Variants in NAA38 observed in about 807,000 individuals in gnomAD.
NAA38 encodes LSM domain containing 1.
In NAA38, 15 loss-of-function variants were observed where a neutral mutation model predicts 12.6. That is an observed-to-expected ratio of 1.19 (90% CI 0.79 to 1.83). The LOEUF (loss-of-function observed/expected upper bound fraction) is 1.83, where lower values mean the gene tolerates loss of function less well. Among genes scored for constraint, NAA38 ranks in the 40% most tolerant of loss-of-function variants. The pLI is 0.00. For missense variants in NAA38, 183 were observed against 171.7 expected (o/e 1.07, Z -0.37); for synonymous variants, 88 against 69.9 (o/e 1.26, Z -1.29).
At chr17:7,856,935 C>G in intron 2 of NAA38, 80 bp downstream of exon 2, 7 of 1,589,422 alleles carry the variant, frequency 4.4e-6, no homozygotes, top group Non-Finnish European at 6.0e-6. Context: ...ACAAGGGTTG[C>G]AGCCAGGCCC....
chr17:7,863,611 G>A (rs925275676), intron 3 of NAA38: 1 of 152,134 alleles, frequency 6.6e-6, no homozygotes, highest in African/African-American at 2.4e-5. Context: ...CAAGTCACAG[G>A]TGGATTACTA....
At chr17:7,858,228 G>C, upstream of NAA38, 1 of 1,614,014 alleles carries the variant, frequency 6.2e-7, no homozygotes. Context: ...TAACAGGCCC[G>C]AAGACCTCTG....
At chr17:7,884,457 CATATATATAT>C (rs377079849) in intron 1 of NAA38, among the ~76,000 whole-genome samples, 2 of 130,834 alleles carry the variant, frequency 1.5e-5, no homozygotes, top group Non-Finnish European at 3.2e-5. Flanking sequence ...TATATATATA[CATATATATAT>C]ATATATATAT....
chr17:7,858,308 G>A (rs117496084), upstream of NAA38: 15,591 of 1,613,886 alleles, frequency 9.7e-3, 96 homozygotes, highest in Non-Finnish European at 0.011. Context: ...AGGGCCACAC[G>A]TTGGGCCGGG....
intron 2 of NAA38, 49 bp downstream of exon 2, chr17:7,856,966 T>G: frequency 6.3e-7 from 1 of 1,587,462 alleles, no homozygotes; most frequent in Non-Finnish European, 8.6e-7. Flanking sequence ...ATGCCTTGCG[T>G]AAGGTTCCGC....
intron 1 of NAA38, among the ~76,000 whole-genome samples, chr17:7,884,311 G>A (rs189487777): frequency 6.7e-6 from 1 of 148,840 alleles, no homozygotes; most frequent in African/African-American, 2.5e-5. Flanking sequence ...GGTGCTGGAG[G>A]GGGGGTTGTT....
chr17:7,881,418 G>C (rs1967270483), intron 2 of NAA38, among the ~76,000 whole-genome samples: 1 of 151,968 alleles, frequency 6.6e-6, no homozygotes, highest in Admixed American at 6.6e-5. Flanking sequence ...TGAGGAACCA[G>C]AAAGACAGAA....
intron 2 of NAA38, among the ~76,000 whole-genome samples, chr17:7,870,066 T>C (rs1325607023): frequency 1.3e-5 from 2 of 152,152 alleles, no homozygotes; most frequent in Non-Finnish European, 1.5e-5. Context: ...CCATTTTGTA[T>C]AGGATTATTC....
upstream of NAA38, chr17:7,862,315 G>A (rs2078888859): frequency 6.6e-6 from 1 of 152,096 alleles, no homozygotes; most frequent in Admixed American, 6.5e-5. Context: ...ATACCTAGTG[G>A]GGGGGATGTT....
At chr17:7,858,330 T>A, upstream of NAA38, 1 of 1,613,880 alleles carries the variant, frequency 6.2e-7, no homozygotes, top group Middle Eastern at 1.6e-4. Context: ...CCGGAGTGTG[T>A]GTGTGTGCAC....
chr17:7,867,499 C>A (rs868357365), intron 2 of NAA38, among the ~76,000 whole-genome samples: 1 of 151,922 alleles, frequency 6.6e-6, no homozygotes, highest in Non-Finnish European at 1.5e-5. Context: ...CCACCACACC[C>A]GGCTAATTTT....
Position 7,857,181 on chromosome 17 carries a change from G to T in NAA38, c.99C>A (p.Arg33=), listed in dbSNP as rs760587822. 6 of 1,613,086 alleles carry T rather than the reference G, an allele frequency of 3.7e-6. No homozygotes were observed. Among genetic ancestry groups the T allele is most frequent in the Non-Finnish European group, 5.1e-6 (6 of 1,180,006 alleles). Residue 33 remains arginine (R), a synonymous_variant, in exon 2 of 3, where the codon CGC becomes CGA. Coordinates refer to ENST00000575771, the MANE Select transcript of NAA38 (RefSeq NM_001320925.4). The part of the protein sequence containing the change: ...SSSAGDSDGE[R]EDSAAERARQ... ...GGGCGCGCTCAGCCGCCGAGTCCTCGCGCTCTCCGTCCGAATCCTGCGCGG... is the reference window on the plus strand; with the variant it reads ...GGGCGCGCTCAGCCGCCGAGTCCTCTCGCTCTCCGTCCGAATCCTGCGCGG...
chr17:7,857,466 G>A lies in NAA38; in HGVS notation c.-3C>T, dbSNP rs369394186. 3.9e-5 allele frequency: 59 copies of A among 1,528,042 alleles called. No individual in the cohort carries two copies. The highest frequency in any genetic ancestry group is 3.8e-5 in the Non-Finnish European group (43 of 1,137,886). 94.7% of individuals were successfully genotyped at this position (1,528,042 alleles called of 1,614,324 possible). ...ATGGTCGGTCCAGCTCCGGCCATTT[G>A]CCCGGAGGCCTCCTCTGGGCCTTTC... is the stretch of plus-strand genomic sequence containing the variant. On this transcript the variant is annotated 5_prime_UTR_variant, in exon 1 of 3. Transcript: ENST00000575771.
chr17:7,879,282 G>A (rs1967228616), intron 2 of NAA38, among the ~76,000 whole-genome samples: 1 of 152,126 alleles, frequency 6.6e-6, no homozygotes, highest in African/African-American at 2.4e-5. Flanking sequence ...GAAAATCATA[G>A]ATTGCAAGTG....
chr17:7,865,054 C>G (rs1966940206), intron 3 of NAA38: 1 of 152,024 alleles, frequency 6.6e-6, no homozygotes, highest in Admixed American at 6.5e-5. Flanking sequence ...ATACACATAC[C>G]TATATATAAA....
chr17:7,877,454 C>CT (rs1179558605), intron 2 of NAA38, among the ~76,000 whole-genome samples: 1 of 133,486 alleles, frequency 7.5e-6, no homozygotes, highest in Admixed American at 7.7e-5. Flanking sequence ...ACTCATTTTT[C>CT]TTTTTTCTTT....
chr17:7,877,134 C>A, intron 2 of NAA38: 1 of 332,644 alleles, frequency 3.0e-6, no homozygotes, highest in Non-Finnish European at 5.9e-6. Context: ...CAGTTGCTAA[C>A]GTAATCAATG....
chr17:7,858,533 G>A, upstream of NAA38: 1 of 1,613,728 alleles, frequency 6.2e-7, no homozygotes. Context: ...GAGCGGGGAT[G>A]GGAAGGAAAG....
chr17:7,856,799 C>T lies in NAA38; in HGVS notation c.310G>A (p.Val104Ile), dbSNP rs2078819379. The T allele has an allele frequency of 6.2e-7, 1 of 1,613,878 alleles. No individual in the cohort carries two copies. The highest frequency in any genetic ancestry group is 1.3e-5 in the African/African-American group (1 of 74,924). ...ATGGAAACGATGTGGTGTCCGGGTACCATGGCCAGGCCCAGCACACGGGGC... is the reference window on the plus strand; with the variant it reads ...ATGGAAACGATGTGGTGTCCGGGTATCATGGCCAGGCCCAGCACACGGGGC... ...GEPRVLGLAMVPGHHIVSIEV... is the reference protein window; with the variant it reads ...GEPRVLGLAMIPGHHIVSIEV... Residue 104 changes from valine (V) to isoleucine (I), a missense_variant, in exon 3 of 3, where the codon GTA (valine) becomes ATA (isoleucine). Transcript: ENST00000575771.
Sources: allele counts gnomAD v4.1 joint callset (sites outside exome capture counted in the v4.1 genomes callset), GRCh38; gene constraint gnomAD v4.1.1; transcripts MANE v1.5; gene names NCBI Gene and HGNC (gene_info 2026-07-23, HGNC 2026-07-21).